VWF: variants seen among roughly 807,000 people sequenced by gnomAD.
VWF encodes von Willebrand factor, also known as Factor VIII related antigen.
A neutral mutation model predicts 308.6 loss-of-function variants in VWF; 176 were observed. That is an observed-to-expected ratio of 0.57 (90% CI 0.50 to 0.65). The LOEUF (loss-of-function observed/expected upper bound fraction) is 0.65, where lower values mean the gene tolerates loss of function less well. Among genes scored for constraint, VWF ranks in the 30% least tolerant of loss-of-function variants. VWF has a pLI of 0.00. For synonymous variants in VWF, 1,385 were observed against 1,443.4 expected (o/e 0.96, Z 0.92); for missense variants, 3,146 against 3,648.2 (o/e 0.86, Z 3.55).
chr12:6,092,578 G>GTGCA (rs1159807538), intron 6 of VWF, among the ~76,000 whole-genome samples: 29 of 134,236 alleles, frequency 2.2e-4, no homozygotes, highest in Admixed American at 4.3e-4. Flanking sequence ...GTGTGCGTGC[G>GTGCA]TGCATGCCAC....
intron 5 of VWF, among the ~76,000 whole-genome samples, chr12:6,098,793 A>G (rs1476805844): frequency 6.6e-6 from 1 of 152,074 alleles, no homozygotes; most frequent in Non-Finnish European, 1.5e-5. Flanking sequence ...AGAAATTTCA[A>G]AAGACAAAAA....
rs777251593 is a variant in VWF, at chr12:6,121,322, T to C, written c.72A>G (p.Glu24=). ...ALILPGTLCA[E]GTRGRSSTAR... ...CCGTGGATGACCTGCCGCGAGTTCC[T>C]TCTGCACAAAGGGTCCCTGGAGGGA... Residue 24 remains glutamate, a synonymous_variant, in exon 3 of 52, where the codon GAA becomes GAG. Transcript: ENST00000261405. The C allele has an allele frequency of 1.2e-6, 2 of 1,614,138 alleles. No individual in the cohort carries two copies. Among genetic ancestry groups the C allele is most frequent in the Non-Finnish European group, 1.7e-6 (2 of 1,180,016 alleles).
chr12:6,071,166 T>G (rs980966073), intron 10 of VWF, 131 bp downstream of exon 10: 1 of 1,058,672 alleles, frequency 9.4e-7, no homozygotes, highest in African/African-American at 1.5e-5. Flanking sequence ...GGTCACGTGG[T>G]TGCAGCCAAC....
rs1944445653 is a variant in VWF, at chr12:6,046,279, C to T, written c.2281+444G>A. 6.6e-6 allele frequency among the ~76,000 whole-genome samples: 1 copy of T among 152,134 alleles called. No individual in the cohort carries two copies. Among genetic ancestry groups the T allele is most frequent in the Non-Finnish European group, 1.5e-5 (1 of 68,016 alleles). The stretch of plus-strand genomic sequence containing the variant: ...TTCGAATGGAGAGCAACGGACCCAA[C>T]CCTTCTCTTTCTCTCTTTCAAACCC... On this transcript the variant is annotated intron_variant, in intron 17 of 51. Transcript: ENST00000261405. This position sits in a 1 kb window ranked among gnomAD's most constrained non-coding sequence, Gnocchi z 5.0.
rs1944022547 is a variant in VWF at position 6,013,625 on chromosome 12, C to T, written c.5476G>A (p.Gly1826Arg). The change falls in exon 32 of 52, where the codon GGA becomes AGA. Residue 1826 changes from glycine to arginine, a missense_variant. By Grantham distance (125) the Gly-to-Arg change is moderately radical (BLOSUM62 -2). This residue lies in a region of VWF where 853 missense variants were observed against 1,177.8 expected (regional missense o/e 0.72). Transcript: ENST00000261405. ...RSNRVTVFPI[G>R]IGDRYDAAQL... ...GCTGCATCGTAGCGATCTCCAATTC[C>T]AATAGGGAACACTGTCACTCCTAGA... 6.2e-7 allele frequency: 1 copy of T among 1,613,184 alleles called. No individual in the cohort carries two copies. Among genetic ancestry groups the T allele is most frequent in the Non-Finnish European group, 8.5e-7 (1 of 1,179,882 alleles).
chr12:6,122,068 G>T (rs1051008915), intron 2 of VWF, among the ~76,000 whole-genome samples: 1 of 152,128 alleles, frequency 6.6e-6, no homozygotes, highest in Non-Finnish European at 1.5e-5. Context: ...ATACAGCTGT[G>T]GGTTTTTTAT....
At chr12:6,090,184 C>T (rs1458209834) in intron 6 of VWF, among the ~76,000 whole-genome samples, 1 of 152,118 alleles carries the variant, frequency 6.6e-6, no homozygotes, top group African/African-American at 2.4e-5. Flanking sequence ...GTCTCAATCT[C>T]CTGACCTCGT....
chr12:6,073,488 A>AT, intron 8 of VWF, 131 bp downstream of exon 8: 5 of 1,300,170 alleles, frequency 3.8e-6, no homozygotes, highest in Non-Finnish European at 5.5e-6. Context: ...GGACAAAGAC[A>AT]TTTAAAAACT....
In VWF at chr12:5,955,411, C is replaced by T. The variant is rs1404724343; in HGVS notation, c.7888-1817G>A. 2.0e-5 allele frequency among the ~76,000 whole-genome samples: 3 copies of T among 151,292 alleles called. No homozygotes were observed. The East Asian group carries it at 5.8e-4, about 29-fold the overall frequency. On this transcript the variant is annotated intron_variant, in intron 47 of 51. Transcript: ENST00000261405. ...GTCCCCAGAGTGTGATGTTCCCCTT[C>T]CTGTGTCCATGTGTTCTCATTGTTC...
intron 6 of VWF, among the ~76,000 whole-genome samples, chr12:6,088,156 C>T (rs936715275): frequency 1.3e-5 from 2 of 152,108 alleles, no homozygotes; most frequent in Admixed American, 6.5e-5. Context: ...GGCCGTTTCC[C>T]GGCAGGTGGT....
intron 34 of VWF, 24 bp downstream of exon 34, chr12:6,011,592 CT>C: frequency 6.3e-7 from 1 of 1,583,894 alleles, no homozygotes; most frequent in South Asian, 1.2e-5. Context: ...TGACGCTGCC[CT>C]GGCTGGAGAA....
intron 46 of VWF, 73 bp downstream of exon 46, chr12:5,968,054 G>A (rs374715800): frequency 8.6e-5 from 137 of 1,597,092 alleles, no homozygotes; most frequent in Non-Finnish European, 1.1e-4. Flanking sequence ...ACAATGACTT[G>A]CCTGCTCCCC....
At chr12:5,971,826 C>T in intron 43 of VWF, 117 bp from the exon 44 acceptor site, 1 of 886,360 alleles carries the variant, frequency 1.1e-6, no homozygotes, top group South Asian at 1.4e-5. Context: ...CTGGTCTGGG[C>T]ATTTTCATCT....
rs769655593 is a variant in VWF at position 6,065,279 on chromosome 12, G to C, written c.1157-6C>G. The C allele has an allele frequency of 1.2e-6, 2 of 1,614,128 alleles. No homozygotes were observed. Among genetic ancestry groups the C allele is most frequent in the South Asian group, 2.2e-5 (2 of 91,048 alleles). ...ACCTGTGACAAGGCACTCCCCTGGA[G>C]AGACACAGAGGAAGGGAGAAGAATG... On this transcript the variant is annotated splice_region_variant and splice_polypyrimidine_tract_variant and intron_variant, in intron 10 of 51. Transcript: ENST00000261405.
chr12:6,055,335 C>CTCATTACTT (rs1306362558), intron 15 of VWF, among the ~76,000 whole-genome samples: 4 of 152,208 alleles, frequency 2.6e-5, no homozygotes, highest in African/African-American at 9.7e-5. Context: ...TCATTCACTC[C>CTCATTACTT]TCATTACTTT....
In VWF at chr12:6,046,599, G is replaced by T; in HGVS notation, c.2281+124C>A. 3 of 991,722 alleles carry T rather than the reference G, an allele frequency of 3.0e-6. No homozygotes were observed. Among genetic ancestry groups the T allele is most frequent in the Non-Finnish European group, 4.8e-6 (3 of 631,076 alleles). The allele number at this position is 991,722 out of a possible 1,614,324, so 61.4% of individuals were successfully genotyped here. A position where few individuals can be genotyped will look rare whatever the true frequency, so the allele number is the denominator to read the frequency against. On this transcript the variant is annotated intron_variant, in intron 17 of 51. Coordinates refer to ENST00000261405, the MANE Select transcript of VWF (RefSeq NM_000552.5). The surrounding 1 kb of genome is among the most constrained non-coding windows in gnomAD (Gnocchi z 5.0). ...AGAAATGAAGGCGATCCTGGGCGAA[G>T]CCAGACCCATGCCTGGGTGCACACG...
At chr12:5,966,229 C>T (rs1943401866) in intron 47 of VWF, among the ~76,000 whole-genome samples, 1 of 152,036 alleles carries the variant, frequency 6.6e-6, no homozygotes, top group South Asian at 2.1e-4. Context: ...AGCATTGTTT[C>T]GTTCCATATG....
chr12:6,040,438 G>A (rs144152394), intron 18 of VWF, among the ~76,000 whole-genome samples: 25 of 152,188 alleles, frequency 1.6e-4, no homozygotes, highest in African/African-American at 5.8e-4. Flanking sequence ...TTCCCACCAC[G>A]AACTTACTGT....
intron 47 of VWF, among the ~76,000 whole-genome samples, chr12:5,954,711 G>A (rs931139366): frequency 7.2e-5 from 11 of 152,214 alleles, no homozygotes; most frequent in African/African-American, 2.7e-4. Context: ...ATCTATAGGA[G>A]AGCCTACAAG....
Sources: gnomAD v4.1 joint callset for allele counts (sites outside exome capture counted in the v4.1 genomes callset) on GRCh38, gnomAD v4.1.1 for gene constraint, gnomAD v4.1.1 regional missense constraint, Gnocchi (gnomAD v3.1) non-coding constraint, MANE v1.5 for transcripts, NCBI Gene and HGNC (gene_info 2026-07-23, HGNC 2026-07-21) for gene names.